BNIP3L: variants seen among roughly 807,000 people sequenced by gnomAD.
BNIP3L encodes BCL2 interacting protein 3 like, also known as BCL2/adenovirus E1B 19 kDa protein-interacting protein 3-like.
Under a neutral mutation model 25.5 loss-of-function variants are expected in BNIP3L, and 10 were observed. The observed-to-expected ratio is 0.39, with a 90% CI of 0.24 to 0.67. BNIP3L has a LOEUF of 0.67. Ranked by LOEUF, BNIP3L falls within the 30% of genes least tolerant of loss-of-function variation. The pLI, the probability that BNIP3L is intolerant of heterozygous loss-of-function variation, is 0.45. For missense variants in BNIP3L, 215 were observed against 270.9 expected, an observed-to-expected ratio of 0.79 and a Z score of 1.45; for synonymous variants, 113 against 101.2, an observed-to-expected ratio of 1.12 and a Z score of -0.70.
rs1222324706 is a variant in BNIP3L at position 26,395,293 on chromosome 8, T to C, written c.348T>C (p.His116=). The C allele has an allele frequency of 2.5e-6, 4 of 1,613,964 alleles. No homozygotes were observed. The highest frequency in any genetic ancestry group is 3.3e-5 in the Admixed American group (2 of 60,014). ...TGGAAATGCACACCAGCAGGGACCATAGCTCTCAGGTGTGTCGGGGGGATT... is the reference window on the plus strand; with the variant it reads ...TGGAAATGCACACCAGCAGGGACCACAGCTCTCAGGTGTGTCGGGGGGATT... ...FDVEMHTSRD[H]SSQSEEEVVE... The change falls in exon 3 of 6, where the codon CAT becomes CAC. Residue 116 remains histidine, a synonymous_variant. Coordinates refer to ENST00000380629, the MANE Select transcript of BNIP3L (RefSeq NM_004331.3).
chr8:26,385,166 C>T lies in BNIP3L; in HGVS notation c.100+1936C>T, dbSNP rs117438717. On this transcript the variant is annotated intron_variant, in intron 1 of 5. Coordinates refer to ENST00000380629, the MANE Select transcript of BNIP3L (RefSeq NM_004331.3). Reference sequence around the variant, plus strand: ...CTACCTAATTGACAAAGGTGGCCAACCTTTCTGTTTCTTTTTAGTATTGTT... The same window carrying T: ...CTACCTAATTGACAAAGGTGGCCAATCTTTCTGTTTCTTTTTAGTATTGTT... 5.3e-3 allele frequency among the ~76,000 whole-genome samples: 814 copies of T among 152,292 alleles called. 5 individuals carry two copies. Among genetic ancestry groups the T allele is most frequent in the Non-Finnish European group, 7.4e-3 (504 of 68,026 alleles).
chr8:26,395,373 A>G (rs1444867023), intron 3 of BNIP3L, 71 bp downstream of exon 3: 15 of 1,492,824 alleles, frequency 1.0e-5, no homozygotes, highest in Middle Eastern at 1.7e-4. Flanking sequence ...ATATTTTGCT[A>G]AAATAAATGT....
In BNIP3L at chr8:26,383,077, C is replaced by A; in HGVS notation, c.-54C>A. On this transcript the variant is annotated 5_prime_UTR_variant, in exon 1 of 6. Transcript: ENST00000380629. ...GCGGACTCGGCTTGTTGTGTTGCTG[C>A]CTGAGTGCCGGAGACGGTCCTGCTG... 2 of 1,481,484 alleles carry A rather than the reference C, an allele frequency of 1.3e-6. No homozygotes were observed. Among genetic ancestry groups the A allele is most frequent in the Non-Finnish European group, 1.8e-6 (2 of 1,089,554 alleles). 91.8% of individuals were successfully genotyped at this position (1,481,484 alleles called of 1,614,324 possible).
Position 26,383,167 on chromosome 8 carries a change from CACA to C in BNIP3L, c.52_54del (p.Asn18del), listed in dbSNP as rs745451366. ...CCTAGTCGAGCCGCCGCCGCCCCTG[CACA>C]ACAACAACAACAACTGCGAGGAAAA... On this transcript the variant is annotated inframe_deletion, in exon 1 of 6. Transcript: ENST00000380629. 38 of 1,590,604 alleles carry C rather than the reference CACA, an allele frequency of 2.4e-5. No homozygotes were observed. Among genetic ancestry groups the C allele is most frequent in the Middle Eastern group, 1.7e-4 (1 of 6,018 alleles).
rs373730069 is a variant in BNIP3L, at chr8:26,395,236, G to T, written c.291G>T (p.Ser97=). Residue 97 remains serine, a synonymous_variant, in exon 3 of 6, where the codon TCG becomes TCT. Coordinates refer to ENST00000380629, the MANE Select transcript of BNIP3L (RefSeq NM_004331.3). ...TGAATTCCTTCTCTTCTAGCCCTTC[G>T]CCACAAGAAGATGGGCAGATCATGT... ...SRGSSHCDSP[S]PQEDGQIMFD... The T allele has an allele frequency of 6.2e-7, 1 of 1,613,880 alleles. No homozygotes were observed. The highest frequency in any genetic ancestry group is 8.5e-7 in the Non-Finnish European group (1 of 1,179,894).
Position 26,408,086 on chromosome 8 carries a change from C to G in BNIP3L, c.444C>G (p.Pro148=), listed in dbSNP as rs200534833. Residue 148 remains proline (P), a synonymous_variant, in exon 4 of 6, where the codon CCC becomes CCG. Coordinates refer to ENST00000380629, the MANE Select transcript of BNIP3L (RefSeq NM_004331.3). The stretch of plus-strand genomic sequence containing the variant: ...GGGTATCAGACTGGTCCAGTAGACC[C>G]GAAAACATTCCACCCAAGTGAGTTC... ...ADWVSDWSSR[P]ENIPPKEFHF... is the part of the protein sequence containing the mutation. 3.1e-6 allele frequency: 5 copies of G among 1,614,152 alleles called. No homozygotes were observed. The highest frequency in any genetic ancestry group is 1.3e-5 in the African/African-American group (1 of 75,054).
chr8:26,404,666 C>G (rs1356368287), intron 3 of BNIP3L, among the ~76,000 whole-genome samples: 4 of 152,176 alleles, frequency 2.6e-5, no homozygotes, highest in African/African-American at 9.7e-5. Context: ...CACCACAACG[C>G]CTGGCTAATT....
intron 2 of BNIP3L, 21 bp downstream of exon 2, chr8:26,391,447 G>T: frequency 3.3e-6 from 5 of 1,501,232 alleles, no homozygotes; most frequent in Non-Finnish European, 4.5e-6. Context: ...CCCATGTTTT[G>T]GTGGAATTCA....
At chr8:26,396,570 T>C (rs1806252019) in intron 3 of BNIP3L, among the ~76,000 whole-genome samples, 1 of 145,692 alleles carries the variant, frequency 6.9e-6, no homozygotes, top group South Asian at 2.4e-4. Context: ...AGAGCGCCTC[T>C]CCTCCTCCAA....
In BNIP3L at chr8:26,383,248, G is replaced by C. The variant is rs1365382385; in HGVS notation, c.100+18G>C. On this transcript the variant is annotated intron_variant, in intron 1 of 5. Coordinates refer to ENST00000380629, the MANE Select transcript of BNIP3L (RefSeq NM_004331.3). ...CCTCAACAGTGAGTGCGGGGCCGAG[G>C]CTCTGTGAAGGGGATGGGGGAGGAG... The C allele has an allele frequency of 6.3e-6, 10 of 1,598,130 alleles. No homozygotes were observed. The highest frequency in any genetic ancestry group is 2.2e-5 in the South Asian group (2 of 89,432).
At chr8:26,393,779 G>A (rs1291579893) in intron 2 of BNIP3L, among the ~76,000 whole-genome samples, 3 of 152,030 alleles carry the variant, frequency 2.0e-5, no homozygotes, top group Non-Finnish European at 2.9e-5. Flanking sequence ...TGCCCAGTTC[G>A]GGTTGACTCC....
At chr8:26,383,303 G>A in intron 1 of BNIP3L, 73 bp downstream of exon 1, 1 of 1,545,222 alleles carries the variant, frequency 6.5e-7, no homozygotes, top group South Asian at 1.2e-5. Flanking sequence ...CACCGGCGCG[G>A]CGCGGGAGGC....
chr8:26,395,158 A>G, intron 2 of BNIP3L, 72 bp from the exon 3 acceptor site: 1 of 1,500,930 alleles, frequency 6.7e-7, no homozygotes, highest in South Asian at 1.2e-5. Context: ...TTAATTTTCT[A>G]ATTTCTAGTA....
chr8:26,406,193 C>G (rs532694703), intron 3 of BNIP3L, among the ~76,000 whole-genome samples: 2 of 152,268 alleles, frequency 1.3e-5, no homozygotes, highest in South Asian at 4.1e-4. Flanking sequence ...TTTTAAAAGT[C>G]ACATTTTTTA....
chr8:26,388,553 C>A (rs1248496312), intron 1 of BNIP3L, among the ~76,000 whole-genome samples: 2 of 152,164 alleles, frequency 1.3e-5, no homozygotes, highest in African/African-American at 4.8e-5. Flanking sequence ...GCAGAGATCA[C>A]TTTTACTAAG....
rs1371023095 is a variant in BNIP3L, at chr8:26,391,489, C to T, written c.284+63C>T. Reference sequence around the variant, plus strand: ...AGGTGGGTTACAGGGCTCATTCACTCTAGGAAAAATCTGTTTGCTTAAATC... The same window carrying T: ...AGGTGGGTTACAGGGCTCATTCACTTTAGGAAAAATCTGTTTGCTTAAATC... On this transcript the variant is annotated intron_variant, in intron 2 of 5. Transcript: ENST00000380629. 5 of 1,363,122 alleles carry T rather than the reference C, an allele frequency of 3.7e-6. No homozygotes were observed. The African/African-American group carries it at 7.4e-5, about 20-fold the overall frequency. 84.4% of individuals were successfully genotyped at this position (1,363,122 alleles called of 1,614,324 possible).
chr8:26,393,563 A>T (rs1806161581), intron 2 of BNIP3L, among the ~76,000 whole-genome samples: 1 of 151,890 alleles, frequency 6.6e-6, no homozygotes, highest in African/African-American at 2.4e-5. Context: ...CCAAATTGTT[A>T]GGAGGAGTAA....
chr8:26,402,786 G>T (rs1299256413), intron 3 of BNIP3L, among the ~76,000 whole-genome samples: 1 of 152,020 alleles, frequency 6.6e-6, no homozygotes, highest in African/African-American at 2.4e-5. Context: ...AAAAAGAAAT[G>T]GGTTTAATTA....
intron 1 of BNIP3L, among the ~76,000 whole-genome samples, chr8:26,385,755 A>G (rs1477230371): frequency 6.6e-6 from 1 of 152,208 alleles, no homozygotes; most frequent in Admixed American, 6.5e-5. Flanking sequence ...CTCAGCCTGC[A>G]TGGGACATCA....
Sources: allele counts gnomAD v4.1 joint callset (sites outside exome capture counted in the v4.1 genomes callset), GRCh38; gene constraint gnomAD v4.1.1; transcripts MANE v1.5; gene names NCBI Gene and HGNC (gene_info 2026-07-23, HGNC 2026-07-21).